Variants in CFAP54 observed in about 807,000 individuals in gnomAD.
CFAP54 encodes the protein cilia and flagella associated protein 54.
Under a neutral mutation model 370.4 loss-of-function variants are expected in CFAP54, and 290 were observed. The ratio of observed to expected loss-of-function variants is 0.78; its 90% CI spans 0.71 to 0.86. The LOEUF (loss-of-function observed/expected upper bound fraction) is 0.86. Among genes scored for constraint, CFAP54 ranks in the 40% least tolerant of loss-of-function variants. The pLI is 0.00. For missense variants in CFAP54, 3,399 were observed against 3,528.7 expected (o/e 0.96, Z 0.93); for synonymous variants, 1,206 against 1,236.5 (o/e 0.98, Z 0.52).
intron 56 of CFAP54, among the ~76,000 whole-genome samples, chr12:96,754,561 C>T (rs545732117): frequency 1.3e-5 from 2 of 152,064 alleles, no homozygotes; most frequent in South Asian, 2.1e-4. Flanking sequence ...AAATTAGGTG[C>T]GGTCTGGTTA....
At chr12:96,502,280 G>A (rs1215261932) in intron 2 of CFAP54, among the ~76,000 whole-genome samples, 1 of 151,808 alleles carries the variant, frequency 6.6e-6, no homozygotes, top group Non-Finnish European at 1.5e-5. Context: ...TGGCCAGGCT[G>A]GGCATGGTGG....
intron 13 of CFAP54, among the ~76,000 whole-genome samples, chr12:96,539,339 G>A (rs938693985): frequency 2.6e-5 from 4 of 151,820 alleles, no homozygotes; most frequent in African/African-American, 7.3e-5. Flanking sequence ...GATTACAAAT[G>A]TGAGCCCCTG....
chr12:96,518,199 T>C (rs182333755), intron 5 of CFAP54, among the ~76,000 whole-genome samples: 1 of 152,354 alleles, frequency 6.6e-6, no homozygotes, highest in Non-Finnish European at 1.5e-5. Flanking sequence ...GATTCTAATC[T>C]TGGACCATTT....
rs1279610351 is a variant in CFAP54 at position 96,538,414 on chromosome 12, G to A, written c.1822G>A (p.Asp608Asn). The change falls in exon 13 of 68, where the codon GAC becomes AAC. Residue 608 changes from aspartate to asparagine, a missense_variant. Asp to Asn is a conservative substitution (Grantham distance 23). This residue lies in a region of CFAP54 where 2,796 missense variants were observed against 2,869.7 expected (regional missense o/e 0.97). Coordinates refer to ENST00000524981, the MANE Select transcript of CFAP54 (RefSeq NM_001306084.2). ...DVQPDKEIVVDTIMFLWQKCK... is the reference protein window; with the variant it reads ...DVQPDKEIVVNTIMFLWQKCK... The stretch of plus-strand genomic sequence containing the variant: ...TCAACCTGATAAAGAAATTGTTGTG[G>A]ACACGATAATGTTCCTATGGCAGAA... The A allele has an allele frequency of 4.6e-6, 7 of 1,535,378 alleles. No homozygotes were observed. In the Admixed American group the frequency reaches 5.9e-5, roughly 13 times the overall value.
At chr12:96,665,784 A>G (rs1957073590) in intron 39 of CFAP54, among the ~76,000 whole-genome samples, 1 of 152,056 alleles carries the variant, frequency 6.6e-6, no homozygotes, top group Non-Finnish European at 1.5e-5. Context: ...TTTGCTTAGT[A>G]TTATCTTGGC....
At chr12:96,857,201 C>G (rs1664302768) in intron 66 of CFAP54, among the ~76,000 whole-genome samples, 1 of 152,166 alleles carries the variant, frequency 6.6e-6, no homozygotes. Flanking sequence ...ATGGGAACTA[C>G]AGTTCAAGAT....
chr12:96,729,029 C>T (rs944138222), intron 50 of CFAP54, among the ~76,000 whole-genome samples: 4 of 152,156 alleles, frequency 2.6e-5, no homozygotes, highest in Non-Finnish European at 4.4e-5. Context: ...TCTGATCGTT[C>T]TTCTGGAAGT....
chr12:96,682,047 T>G (rs1332613796), intron 40 of CFAP54: 1 of 574,710 alleles, frequency 1.7e-6, no homozygotes, highest in Non-Finnish European at 2.2e-6. Flanking sequence ...AATATTTCCT[T>G]TCTTTTTGCT....
chr12:96,689,764 T>C (rs7313358), intron 43 of CFAP54, among the ~76,000 whole-genome samples: 108,621 of 152,108 alleles, frequency 0.71, 39,710 homozygotes, highest in African/African-American at 0.87. Flanking sequence ...GAGCTTTTAT[T>C]TGAAATACAA....
intron 51 of CFAP54, 110 bp downstream of exon 51, chr12:96,740,171 A>G (rs1958035308): frequency 1.5e-6 from 1 of 648,560 alleles, no homozygotes; most frequent in South Asian, 2.0e-5. Flanking sequence ...AGTAGAAAAA[A>G]CATTGAATTT....
rs369619639 is a variant in CFAP54 at position 96,551,106 on chromosome 12, A to C, written c.2155-3076A>C. ...CAATATGGTGAAACCATGACTCTGC[A>C]AAAAAAATACAAAAATTAGCTGGGT... On this transcript the variant is annotated intron_variant, in intron 15 of 67. Coordinates refer to ENST00000524981, the MANE Select transcript of CFAP54 (RefSeq NM_001306084.2). 8.6e-4 allele frequency among the ~76,000 whole-genome samples: 130 copies of C among 151,986 alleles called. 1 individual carries two copies. The highest frequency in any genetic ancestry group is 2.9e-3 in the African/African-American group (121 of 41,476).
At chr12:96,615,053 A>C (rs1294938122) in intron 26 of CFAP54, among the ~76,000 whole-genome samples, 1 of 152,258 alleles carries the variant, frequency 6.6e-6, no homozygotes, top group Non-Finnish European at 1.5e-5. Context: ...TGCATTGCCA[A>C]GACAATCCTA....
At chr12:96,700,257 G>T (rs143851397) in intron 46 of CFAP54, among the ~76,000 whole-genome samples, 164 bp downstream of exon 46, 10 of 152,142 alleles carry the variant, frequency 6.6e-5, no homozygotes, top group Non-Finnish European at 1.5e-4. Flanking sequence ...GGTTTCATTT[G>T]TCTGGGTTGG....
rs538903852 is a variant in CFAP54 at position 96,688,445 on chromosome 12, A to C, written c.6015-471A>C. On this transcript the variant is annotated intron_variant, in intron 42 of 67. Coordinates refer to ENST00000524981, the MANE Select transcript of CFAP54 (RefSeq NM_001306084.2). ...TTCATTCAGTGGAACCAATAGGATAAGTGCTCAAAAGTGTAGGCATAACAA... is the reference window on the plus strand; with the variant it reads ...TTCATTCAGTGGAACCAATAGGATACGTGCTCAAAAGTGTAGGCATAACAA... Among the ~76,000 whole-genome samples, 61 of 152,340 alleles carry C rather than the reference A, an allele frequency of 4.0e-4. 2 individuals carry two copies. The South Asian group carries it at 0.012, about 29-fold the overall frequency.
rs1957483448 is a variant in CFAP54 at position 96,700,789 on chromosome 12, A to C, written c.6474+696A>C. ...TTCAGGCAGATGCTTGGACCCTCCT[A>C]GACCAGCAATAAAGGAAATGGGAGA... On this transcript the variant is annotated intron_variant, in intron 46 of 67. Coordinates refer to ENST00000524981, the MANE Select transcript of CFAP54 (RefSeq NM_001306084.2). Among the ~76,000 whole-genome samples the C allele has an allele frequency of 2.0e-5, 3 of 152,134 alleles. No homozygotes were observed. In the South Asian group the frequency reaches 6.2e-4, roughly 32 times the overall value.
chr12:96,782,905 TA>T (rs1958594185), intron 60 of CFAP54, among the ~76,000 whole-genome samples: 1 of 152,052 alleles, frequency 6.6e-6, no homozygotes, highest in Admixed American at 6.6e-5. Flanking sequence ...AAAACAAAAT[TA>T]AAAAGAAATC....
In CFAP54 at chr12:96,671,438, C is replaced by T. The variant is rs1369635173; in HGVS notation, c.5563+7506C>T. 1.6e-4 allele frequency among the ~76,000 whole-genome samples: 25 copies of T among 152,072 alleles called. 1 individual carries two copies. Among genetic ancestry groups the T allele is most frequent in the Admixed American group, 1.5e-3 (23 of 15,264 alleles). ...AACTAATCTGTTCCTCCTGATAAAA[C>T]GTAAGCTTTATGAGGGCAGGGATTA... On this transcript the variant is annotated intron_variant, in intron 39 of 67. Transcript: ENST00000524981.
At chr12:96,569,494 A>G (rs886706804) in intron 19 of CFAP54, among the ~76,000 whole-genome samples, 2 of 152,206 alleles carry the variant, frequency 1.3e-5, no homozygotes, top group Admixed American at 6.5e-5. Flanking sequence ...TGATTACACC[A>G]TTATAACTGT....
At chr12:96,763,360 C>A (rs1958359844) in intron 58 of CFAP54, among the ~76,000 whole-genome samples, 1 of 151,920 alleles carries the variant, frequency 6.6e-6, no homozygotes, top group Non-Finnish European at 1.5e-5. Context: ...TAATATTTTT[C>A]TTAGCAGGAA....
Sources: gnomAD v4.1 joint callset for allele counts (sites outside exome capture counted in the v4.1 genomes callset) on GRCh38, gnomAD v4.1.1 for gene constraint, gnomAD v4.1.1 regional missense constraint, MANE v1.5 for transcripts, NCBI Gene and HGNC (gene_info 2026-07-23, HGNC 2026-07-21) for gene names.